Variants in ANKRD17 observed in about 807,000 individuals in gnomAD.
ANKRD17 encodes ankyrin repeat domain-containing protein 17.
A neutral mutation model predicts 229.7 loss-of-function variants in ANKRD17; 19 were observed. The observed-to-expected ratio is 0.08, with a 90% CI of 0.06 to 0.12. The LOEUF is 0.12. ANKRD17 is among the 10% of genes least tolerant of loss of function. ANKRD17 has a pLI of 1.00. For missense variants in ANKRD17, 2,176 were observed against 3,176.8 expected (o/e 0.68, Z 7.57); for synonymous variants, 1,112 against 1,146.1 (o/e 0.97, Z 0.60).
intron 1 of ANKRD17, among the ~76,000 whole-genome samples, chr4:73,211,093 G>A (rs1242989616): frequency 6.6e-6 from 1 of 151,460 alleles, no homozygotes; most frequent in Non-Finnish European, 1.5e-5. Flanking sequence ...AAAGAGTCAG[G>A]GTCGCTAAAA....
intron 1 of ANKRD17, among the ~76,000 whole-genome samples, chr4:73,243,778 T>C (rs979585028): frequency 6.6e-6 from 1 of 152,212 alleles, no homozygotes; most frequent in African/African-American, 2.4e-5. Flanking sequence ...TAGATATGGC[T>C]GCGTAAGAAA....
At chr4:73,112,643 T>C in intron 24 of ANKRD17, 1 of 634,942 alleles carries the variant, frequency 1.6e-6, no homozygotes, top group Non-Finnish European at 2.0e-6. Context: ...TAGGACAAAA[T>C]GTAGAACTTA....
intron 8 of ANKRD17, 51 bp from the exon 9 acceptor site, chr4:73,147,483 G>T: frequency 7.6e-7 from 1 of 1,323,460 alleles, no homozygotes; most frequent in Non-Finnish European, 9.9e-7. Flanking sequence ...TTATTCCAGA[G>T]ATATGAAAAA....
At chr4:73,102,628 A>G in intron 24 of ANKRD17, 81 bp from the exon 25 acceptor site, 1 of 1,479,708 alleles carries the variant, frequency 6.8e-7, no homozygotes, top group East Asian at 2.3e-5. Flanking sequence ...TTTAATCATA[A>G]GGAAACCATG....
chr4:73,138,958 ACACATTAACATT>A (rs1362024873), intron 15 of ANKRD17, among the ~76,000 whole-genome samples: 6 of 152,188 alleles, frequency 3.9e-5, no homozygotes, highest in African/African-American at 7.2e-5. Flanking sequence ...GAAAGAGACT[ACACATTAACATT>A]CACAGGGGAC....
chr4:73,198,223 A>T (rs1246013531), intron 1 of ANKRD17, among the ~76,000 whole-genome samples: 1 of 152,220 alleles, frequency 6.6e-6, no homozygotes, highest in Non-Finnish European at 1.5e-5. Context: ...TTACTAAAAT[A>T]TCACTGACTT....
In ANKRD17 at chr4:73,085,427, C is replaced by A. The variant is rs368405820; in HGVS notation, c.6981G>T (p.Ser2327=). The A allele has an allele frequency of 1.5e-5, 25 of 1,613,350 alleles. No homozygotes were observed. The African/African-American group carries it at 2.5e-4, about 16-fold the overall frequency. The change falls in exon 30 of 34, where the codon TCG becomes TCT. Residue 2327 remains serine (S), a synonymous_variant. Coordinates refer to ENST00000358602, the MANE Select transcript of ANKRD17 (RefSeq NM_032217.5). ...PSPSGIVNMD[S]PYGSVTPSST... ...AAGAAGGTGTTACAGAACCATATGG[C>A]GAGTCCATATTGACAATACCTATAA... is the stretch of plus-strand genomic sequence containing the variant.
rs1304446840 is a variant in ANKRD17, at chr4:73,075,295, A to C, written c.*936T>G. On this transcript the variant is annotated 3_prime_UTR_variant, in exon 34 of 34. Coordinates refer to ENST00000358602, the MANE Select transcript of ANKRD17 (RefSeq NM_032217.5). ...AAGAGCTTGTATATGCTGACTGGGA[A>C]CAGTGGTGGCTTTTTAAATTCTCAG... is the stretch of plus-strand genomic sequence containing the variant. 1 of 152,106 alleles carries C rather than the reference A, an allele frequency of 6.6e-6. No individual in the cohort carries two copies. Among genetic ancestry groups the C allele is most frequent in the South Asian group, 2.1e-4 (1 of 4,834 alleles). 9.4% of individuals were successfully genotyped at this position (152,106 alleles called of 1,614,324 possible).
At chr4:73,249,607 A>C (rs1412414317) in intron 1 of ANKRD17, among the ~76,000 whole-genome samples, 2 of 152,240 alleles carry the variant, frequency 1.3e-5, no homozygotes, top group Non-Finnish European at 2.9e-5. Context: ...CTATAATCCC[A>C]GCACTTTGGA....
chr4:73,114,595 G>A (rs1725710546), intron 23 of ANKRD17, among the ~76,000 whole-genome samples: 1 of 151,996 alleles, frequency 6.6e-6, no homozygotes, highest in African/African-American at 2.4e-5. Context: ...AAGTACATGA[G>A]ACTAATGCGT....
At position 73,153,977 on chromosome 4, in the gene ANKRD17, A is replaced by C; in HGVS notation, c.1137T>G (p.His379Gln). 2 of 1,613,674 alleles carry C rather than the reference A, an allele frequency of 1.2e-6. No individual in the cohort carries two copies. The highest frequency in any genetic ancestry group is 1.7e-6 in the Non-Finnish European group (2 of 1,179,842). ...CTAGCAGCAATCTGGCTACTTCCAC[A>C]TGTCCAGCACTTCCAGCTTCCATAA... ...TPLMEAGSAG[H>Q]VEVARLLLEN... The change falls in exon 6 of 34, where the codon CAT becomes CAG. Residue 379 changes from histidine to glutamine, a missense_variant. Physicochemically the swap from His to Gln is conservative, Grantham distance 24 (BLOSUM62 0). Transcript: ENST00000358602.
chr4:73,076,513 T>C (rs760948768), intron 33 of ANKRD17, among the ~76,000 whole-genome samples: 1 of 152,158 alleles, frequency 6.6e-6, no homozygotes, highest in Non-Finnish European at 1.5e-5. Flanking sequence ...TGAGCATTTA[T>C]AGATTCACGG....
intron 11 of ANKRD17, among the ~76,000 whole-genome samples, chr4:73,144,382 T>C (rs775227591): frequency 1.4e-4 from 21 of 152,248 alleles, no homozygotes; most frequent in Admixed American, 2.0e-4. Flanking sequence ...GTAGAAATGT[T>C]ACTTGCCACA....
At position 73,191,341 on chromosome 4, in the gene ANKRD17, A is replaced by ATATGTGTGTGTGTGTGTG. The variant is rs1553933228; in HGVS notation, c.394-13809_394-13808insCACACACACACACACATA. Among the ~76,000 whole-genome samples the ATATGTGTGTGTGTGTGTG allele has an allele frequency of 2.8e-3, 350 of 125,276 alleles. 4 individuals are homozygous for ATATGTGTGTGTGTGTGTG. The highest frequency in any genetic ancestry group is 0.015 in the East Asian group (61 of 4,090). The allele number at this position is 125,276 out of a possible 152,430, so 82.2% of individuals were successfully genotyped here. On this transcript the variant is annotated intron_variant, in intron 1 of 33. Coordinates refer to ENST00000358602, the MANE Select transcript of ANKRD17 (RefSeq NM_032217.5). ...AATAGGCCCCTACCAAAAAATATAT[A>ATATGTGTGTGTGTGTGTG]TGTGTGTGTGTGTGTGTGTGTGTGT...
intron 1 of ANKRD17, among the ~76,000 whole-genome samples, chr4:73,212,072 T>A (rs543349691): frequency 3.3e-5 from 5 of 152,254 alleles, no homozygotes; most frequent in Admixed American, 2.6e-4. Context: ...TTCTTCTTTA[T>A]ACAATATATA....
In ANKRD17 at chr4:73,258,342, G is replaced by A. The variant is rs765156764; in HGVS notation, c.327C>T (p.Gly109=). 10 of 1,612,540 alleles carry A rather than the reference G, an allele frequency of 6.2e-6. No individual in the cohort carries two copies. Among genetic ancestry groups the A allele is most frequent in the South Asian group, 5.5e-5 (5 of 91,058 alleles). ...CCTCGCTGTTGTTACTGCTGGTGCC[G>A]CCGCCGCCACCTCCGCCTCCACCGC... is the stretch of plus-strand genomic sequence containing the variant. ...GGGGGGGGGG[G]GTSSNNSEEE... The change falls in exon 1 of 34, where the codon GGC becomes GGT. Residue 109 remains glycine (G), a synonymous_variant. Coordinates refer to ENST00000358602, the MANE Select transcript of ANKRD17 (RefSeq NM_032217.5).
chr4:73,118,476 A>C (rs1726273086), intron 22 of ANKRD17, among the ~76,000 whole-genome samples: 1 of 152,080 alleles, frequency 6.6e-6, no homozygotes, highest in South Asian at 2.1e-4. Flanking sequence ...AAGTTTACTT[A>C]GCTCTGATGT....
intron 1 of ANKRD17, among the ~76,000 whole-genome samples, chr4:73,254,693 G>A (rs541087684): frequency 3.4e-4 from 51 of 151,820 alleles, no homozygotes; most frequent in Middle Eastern, 3.4e-3. Context: ...ATTTGAACCC[G>A]GGAGGTGGAA....
intron 1 of ANKRD17, among the ~76,000 whole-genome samples, chr4:73,243,047 G>C (rs1000246720): frequency 1.1e-4 from 17 of 152,082 alleles, no homozygotes; most frequent in African/African-American, 4.1e-4. Flanking sequence ...TAAAGGATGA[G>C]AAAAAACAAA....
Sources: gnomAD v4.1 joint callset for allele counts (sites outside exome capture counted in the v4.1 genomes callset) on GRCh38, gnomAD v4.1.1 for gene constraint, MANE v1.5 for transcripts, NCBI Gene and HGNC (gene_info 2026-07-23, HGNC 2026-07-21) for gene names.